RAD21: variants seen among roughly 807,000 people sequenced by gnomAD.
The protein encoded by RAD21 is RAD21 cohesin complex component, also known as double-strand-break repair protein rad21 homolog.
Under a neutral mutation model 71.5 loss-of-function variants are expected in RAD21, and 18 were observed. That is an observed-to-expected ratio of 0.25 (90% CI 0.17 to 0.37). The LOEUF (loss-of-function observed/expected upper bound fraction) is 0.37. RAD21 is among the 10% of genes least tolerant of loss of function. The pLI, the probability that RAD21 is intolerant of heterozygous loss-of-function variation, is 1.00. For missense variants in RAD21, 493 were observed against 769.1 expected (o/e 0.64, Z 4.25); for synonymous variants, 248 against 254.0 (o/e 0.98, Z 0.22).
chr8:116,864,631 G>A (rs1344520754), intron 2 of RAD21, among the ~76,000 whole-genome samples: 1 of 152,028 alleles, frequency 6.6e-6, no homozygotes, highest in Non-Finnish European at 1.5e-5. Context: ...TTTATGTGGT[G>A]TTATAAAATT....
At chr8:116,860,178 T>C (rs1210622495) in intron 4 of RAD21, among the ~76,000 whole-genome samples, 2 of 152,160 alleles carry the variant, frequency 1.3e-5, no homozygotes, top group Non-Finnish European at 2.9e-5. Context: ...CTTTAACAAA[T>C]GAGGAGTTAC....
At position 116,866,800 on chromosome 8, in the gene RAD21, A is replaced by T; in HGVS notation, c.-32-39T>A. On this transcript the variant is annotated intron_variant, in intron 1 of 13. Transcript: ENST00000297338. The stretch of plus-strand genomic sequence containing the variant: ...AAAAAGTTAATGTAAACATCATCTG[A>T]CAATTTAAATACTTATCAAGACATA... 5.0e-6 allele frequency: 7 copies of T among 1,395,744 alleles called. 1 individual carries two copies. In the South Asian group the frequency reaches 9.8e-5, roughly 20 times the overall value. 86.5% of individuals were successfully genotyped at this position (1,395,744 alleles called of 1,614,324 possible).
rs1335025504 is a variant in RAD21, at chr8:116,849,132, T to C, written c.1621-103A>G. 29 of 741,580 alleles carry C rather than the reference T, an allele frequency of 3.9e-5. No individual in the cohort carries two copies. In the Admixed American group the frequency reaches 8.3e-4, roughly 21 times the overall value. The allele number at this position is 741,580 out of a possible 1,614,324, so 45.9% of individuals were successfully genotyped here. On this transcript the variant is annotated intron_variant, in intron 12 of 13. Transcript: ENST00000297338. ...TCCTAAATTACCTTGAGATTGTGTATTTTGAACTAATAGAAAACTGTACTT... is the reference window on the plus strand; with the variant it reads ...TCCTAAATTACCTTGAGATTGTGTACTTTGAACTAATAGAAAACTGTACTT...
At chr8:116,860,655 T>TA (rs17435853) in intron 4 of RAD21, among the ~76,000 whole-genome samples, 13,522 of 152,172 alleles carry the variant, frequency 0.089, 1,203 homozygotes, top group African/African-American at 0.22. Flanking sequence ...GCACACTTAA[T>TA]AGACTACAGT....
At chr8:116,850,553 T>C in intron 12 of RAD21, 65 bp downstream of exon 12, 2 of 1,573,340 alleles carry the variant, frequency 1.3e-6, no homozygotes, top group East Asian at 2.3e-5. Flanking sequence ...TTAGCCCCAA[T>C]ATGAAAAATA....
At chr8:116,864,926 G>A (rs1309349525) in intron 2 of RAD21, among the ~76,000 whole-genome samples, 1 of 152,128 alleles carries the variant, frequency 6.6e-6, no homozygotes, top group Non-Finnish European at 1.5e-5. Flanking sequence ...TTCCAGTGGG[G>A]GAGTGGAAGA....
chr8:116,870,023 G>A (rs780891809), intron 1 of RAD21, among the ~76,000 whole-genome samples: 1 of 152,144 alleles, frequency 6.6e-6, no homozygotes, highest in Non-Finnish European at 1.5e-5. Context: ...AGGGTGGGGG[G>A]CTGTGGTGCA....
At chr8:116,864,797 G>A (rs1184774849) in intron 2 of RAD21, among the ~76,000 whole-genome samples, 1 of 152,064 alleles carries the variant, frequency 6.6e-6, no homozygotes, top group African/African-American at 2.4e-5. Flanking sequence ...CCTAGGAGTA[G>A]GTAAAATGAG....
intron 4 of RAD21, among the ~76,000 whole-genome samples, chr8:116,861,254 C>T (rs1257814753): frequency 2.6e-5 from 4 of 151,846 alleles, no homozygotes; most frequent in Non-Finnish European, 5.9e-5. Flanking sequence ...TGGAAAGCTA[C>T]AGTCACGTTC....
intron 4 of RAD21, among the ~76,000 whole-genome samples, chr8:116,859,560 T>C (rs1812544358): frequency 6.6e-6 from 1 of 152,058 alleles, no homozygotes. Context: ...TTGATGCTAG[T>C]ATTTTAATTA....
rs1259261501 is a variant in RAD21 at position 116,856,771 on chromosome 8, T to C, written c.689A>G (p.Asp230Gly). 1 of 1,516,466 alleles carries C rather than the reference T, an allele frequency of 6.6e-7. No individual in the cohort carries two copies. Among genetic ancestry groups the C allele is most frequent in the African/African-American group, 1.4e-5 (1 of 71,200 alleles). 93.9% of individuals were successfully genotyped at this position (1,516,466 alleles called of 1,614,324 possible). ...ATCATTATTACTAATAAGTTTGTCA[T>C]CTGAAATAGGGAATGTAAGTTAGTT... Reference protein sequence around the residue: ...FGEGNDGGILDDKLISNNDGG... With the variant: ...FGEGNDGGILGDKLISNNDGG... The change falls in exon 7 of 14, where the codon GAT becomes GGT. Residue 230 changes from aspartate (D) to glycine (G), a missense_variant and splice_region_variant. Physicochemically the swap from Asp to Gly is moderately conservative, Grantham distance 94. Coordinates refer to ENST00000297338, the MANE Select transcript of RAD21 (RefSeq NM_006265.3).
chr8:116,857,093 T>C (rs1812486703), intron 6 of RAD21, among the ~76,000 whole-genome samples, 174 bp downstream of exon 6: 1 of 152,174 alleles, frequency 6.6e-6, no homozygotes, highest in Non-Finnish European at 1.5e-5. Flanking sequence ...TAGGTTTTGT[T>C]ACAACATTTT....
intron 9 of RAD21, among the ~76,000 whole-genome samples, chr8:116,853,364 C>T (rs1274643960): frequency 2.0e-5 from 3 of 152,182 alleles, no homozygotes; most frequent in Non-Finnish European, 4.4e-5. Flanking sequence ...CAGGCATGAG[C>T]GACTGCTTCT....
At chr8:116,871,394 G>A (rs1812820606) in intron 1 of RAD21, among the ~76,000 whole-genome samples, 1 of 152,112 alleles carries the variant, frequency 6.6e-6, no homozygotes, top group South Asian at 2.1e-4. Flanking sequence ...AAAGTCTGAT[G>A]TGAAACAGCA....
chr8:116,854,539 G>A, intron 8 of RAD21, 71 bp from the exon 9 acceptor site: 2 of 1,147,282 alleles, frequency 1.7e-6, no homozygotes, highest in Admixed American at 1.8e-5. Context: ...ACAAGATCTG[G>A]ACTGACTATA....
intron 9 of RAD21, among the ~76,000 whole-genome samples, chr8:116,852,949 G>C (rs74510799): frequency 6.6e-6 from 1 of 151,972 alleles, no homozygotes; most frequent in Non-Finnish European, 1.5e-5. Context: ...AACCTTAAGG[G>C]CTTTTCTATT....
intron 6 of RAD21, among the ~76,000 whole-genome samples, 182 bp from the exon 7 acceptor site, chr8:116,856,953 T>C (rs185746317): frequency 2.8e-4 from 43 of 152,024 alleles, no homozygotes; most frequent in African/African-American, 1.0e-3. Context: ...AAAAAAAAAT[T>C]CTCATTCTTC....
intron 1 of RAD21, among the ~76,000 whole-genome samples, chr8:116,872,761 CCTAA>C (rs1350522228): frequency 6.6e-6 from 1 of 152,190 alleles, no homozygotes; most frequent in Non-Finnish European, 1.5e-5. Flanking sequence ...AACGTCAATA[CCTAA>C]CTCAGATCAG....
intron 8 of RAD21, among the ~76,000 whole-genome samples, chr8:116,855,507 T>A (rs1812442518): frequency 6.6e-6 from 1 of 152,170 alleles, no homozygotes; most frequent in Non-Finnish European, 1.5e-5. Context: ...TTTAAAAAAA[T>A]TTCTTTTTTC....
Sources: allele counts gnomAD v4.1 joint callset (sites outside exome capture counted in the v4.1 genomes callset), GRCh38; gene constraint gnomAD v4.1.1; transcripts MANE v1.5; gene names NCBI Gene and HGNC (gene_info 2026-07-23, HGNC 2026-07-21).